Variants in EYA2 observed in about 807,000 individuals in gnomAD.
EYA2 encodes the protein EYA transcriptional coactivator and phosphatase 2, also known as protein phosphatase EYA2.
Under a neutral mutation model 69.2 loss-of-function variants are expected in EYA2, and 31 were observed. The observed-to-expected ratio is 0.45, with a 90% CI of 0.34 to 0.60. EYA2 has a LOEUF of 0.60. EYA2 is among the 20% of genes least tolerant of loss of function. The pLI is 0.02. For missense variants in EYA2, 622 were observed against 701.2 expected, an observed-to-expected ratio of 0.89 and a Z score of 1.28; for synonymous variants, 257 against 279.4, an observed-to-expected ratio of 0.92 and a Z score of 0.80.
At chr20:46,921,529 G>A (rs550383903) in intron 1 of EYA2, among the ~76,000 whole-genome samples, 1 of 152,272 alleles carries the variant, frequency 6.6e-6, no homozygotes, top group Admixed American at 6.5e-5. Flanking sequence ...CTCCCCATGG[G>A]CAGTCACAAC....
chr20:47,157,090 C>T (rs1001996749), intron 10 of EYA2, among the ~76,000 whole-genome samples: 4 of 151,938 alleles, frequency 2.6e-5, no homozygotes, highest in African/African-American at 9.7e-5. Context: ...GATGGTGGCT[C>T]ATGCCTGTAA....
chr20:46,955,648 CAT>C (rs1979077256), intron 1 of EYA2, among the ~76,000 whole-genome samples: 1 of 151,822 alleles, frequency 6.6e-6, no homozygotes, highest in African/African-American at 2.4e-5. Context: ...TCCACAAATT[CAT>C]AGAGTTTTCT....
chr20:46,927,339 C>T (rs1985460549), intron 1 of EYA2, among the ~76,000 whole-genome samples: 1 of 152,214 alleles, frequency 6.6e-6, no homozygotes, highest in African/African-American at 2.4e-5. Flanking sequence ...CCCGCTGCAG[C>T]AGCGAGGAAG....
chr20:47,002,781 G>A (rs12624887), intron 3 of EYA2, among the ~76,000 whole-genome samples: 3,659 of 152,304 alleles, frequency 0.024, 193 homozygotes, highest in East Asian at 0.18. Context: ...CTCTGCCCCC[G>A]GAGAGCTAGT....
intron 3 of EYA2, among the ~76,000 whole-genome samples, chr20:47,002,563 TC>T (rs1243779752): frequency 6.6e-6 from 1 of 152,228 alleles, no homozygotes; most frequent in African/African-American, 2.4e-5. Flanking sequence ...TGCATAGTAT[TC>T]TATGGTGTAT....
chr20:46,897,788 G>A (rs897129002), intron 1 of EYA2, among the ~76,000 whole-genome samples: 12 of 152,178 alleles, frequency 7.9e-5, no homozygotes, highest in Non-Finnish European at 1.5e-5. Flanking sequence ...AAGTATCCAC[G>A]CACATGATCG....
intron 8 of EYA2, among the ~76,000 whole-genome samples, chr20:47,095,519 C>T (rs1436676291): frequency 6.6e-6 from 1 of 151,856 alleles, no homozygotes; most frequent in Non-Finnish European, 1.5e-5. Flanking sequence ...AAAAGAAGAC[C>T]ATACCCAGAT....
intron 7 of EYA2, among the ~76,000 whole-genome samples, chr20:47,080,862 G>A (rs553399521): frequency 6.6e-6 from 1 of 152,138 alleles, no homozygotes; most frequent in Admixed American, 6.5e-5. Flanking sequence ...CAAGAACAGT[G>A]CAGGAAAGAC....
At chr20:46,913,964 T>C (rs915407359) in intron 1 of EYA2, among the ~76,000 whole-genome samples, 3 of 152,192 alleles carry the variant, frequency 2.0e-5, no homozygotes, top group Non-Finnish European at 4.4e-5. Flanking sequence ...AAGGTGGCCC[T>C]GCTGGTACAT....
intron 5 of EYA2, among the ~76,000 whole-genome samples, chr20:47,045,616 G>T (rs1459327064): frequency 6.6e-6 from 1 of 152,202 alleles, no homozygotes; most frequent in African/African-American, 2.4e-5. Flanking sequence ...CCTTGAAGAC[G>T]TTCTGCCTGA....
rs933557936 is a variant in EYA2 at position 47,074,240 on chromosome 20, C to A, written c.566C>A (p.Ala189Asp). The A allele has an allele frequency of 2.4e-5, 39 of 1,614,014 alleles. No individual in the cohort carries two copies. Among genetic ancestry groups the A allele is most frequent in the Non-Finnish European group, 3.2e-5 (38 of 1,180,002 alleles). Residue 189 changes from alanine to aspartate, a missense_variant, in exon 7 of 16, where the codon GCC becomes GAC. By Grantham distance (126) the Ala-to-Asp change is moderately radical (BLOSUM62 -2). This residue lies in a region of EYA2 where 365 missense variants were observed against 349.7 expected (regional missense o/e 1.04). Transcript: ENST00000327619. ...TCCTACAACCCTCCCTACGTCCCGG[C>A]CAGCAGCATCTGCCCTTCGCCCCTC... ...GSSYNPPYVP[A>D]SSICPSPLST...
At chr20:47,002,310 A>T (rs1982432295) in intron 3 of EYA2, among the ~76,000 whole-genome samples, 1 of 152,098 alleles carries the variant, frequency 6.6e-6, no homozygotes, top group Non-Finnish European at 1.5e-5. Flanking sequence ...TCACCTAGGT[A>T]TTAAATTCGA....
intron 9 of EYA2, among the ~76,000 whole-genome samples, chr20:47,113,620 G>A (rs552322310): frequency 3.3e-5 from 5 of 152,312 alleles, no homozygotes; most frequent in African/African-American, 1.2e-4. Flanking sequence ...GGTGGGTAGC[G>A]CTGTAGCCTG....
chr20:47,159,242 T>C (rs972262640), intron 10 of EYA2, among the ~76,000 whole-genome samples: 4 of 152,080 alleles, frequency 2.6e-5, no homozygotes, highest in Admixed American at 2.6e-4. Context: ...CAGTGATTAG[T>C]CATGTTGATA....
intron 5 of EYA2, among the ~76,000 whole-genome samples, chr20:47,018,427 T>C (rs1165004336): frequency 6.6e-6 from 1 of 152,152 alleles, no homozygotes; most frequent in African/African-American, 2.4e-5. Flanking sequence ...AGTAATCAAT[T>C]GACAAGTAGA....
chr20:47,001,330 C>A, intron 2 of EYA2, 98 bp from the exon 3 acceptor site: 1 of 1,039,594 alleles, frequency 9.6e-7, no homozygotes, highest in Admixed American at 1.7e-5. Context: ...AGCACCCCTC[C>A]AAGTCTGCTC....
chr20:47,001,787 CTT>C (rs61340904), intron 3 of EYA2, among the ~76,000 whole-genome samples: 37 of 147,452 alleles, frequency 2.5e-4, no homozygotes, highest in Admixed American at 1.4e-3. Context: ...TCTCTTCATT[CTT>C]TTTTTTTTTT....
intron 2 of EYA2, among the ~76,000 whole-genome samples, chr20:46,996,632 G>C (rs907821912): frequency 6.6e-6 from 1 of 152,086 alleles, no homozygotes; most frequent in Non-Finnish European, 1.5e-5. Flanking sequence ...AGGAGGCTTC[G>C]GGTCCATAAA....
chr20:47,078,024 T>TA (rs1428906564), intron 7 of EYA2, among the ~76,000 whole-genome samples: 1 of 152,224 alleles, frequency 6.6e-6, no homozygotes, highest in African/African-American at 2.4e-5. Flanking sequence ...ACGAAAAACT[T>TA]ACCTCCCCAG....
Sources: allele counts gnomAD v4.1 joint callset (sites outside exome capture counted in the v4.1 genomes callset), GRCh38; gene constraint gnomAD v4.1.1; regional missense constraint gnomAD v4.1.1; transcripts MANE v1.5; gene names NCBI Gene and HGNC (gene_info 2026-07-23, HGNC 2026-07-21).